EGFR: variants seen among roughly 807,000 people sequenced by gnomAD.
EGFR encodes the protein epidermal growth factor receptor, also known as avian erythroblastic leukemia viral (v-erb-b) oncogene homolog.
EGFR carries 58 observed loss-of-function variants against 143.0 expected under a neutral mutation model. The ratio of observed to expected loss-of-function variants is 0.41; its 90% CI spans 0.33 to 0.50. EGFR has a LOEUF of 0.50. EGFR is among the 20% of genes least tolerant of loss of function. The pLI is 0.39. For synonymous variants in EGFR, 613 were observed against 594.4 expected (o/e 1.03, Z -0.45); for missense variants, 1,307 against 1,579.0 (o/e 0.83, Z 2.92).
intron 1 of EGFR, among the ~76,000 whole-genome samples, chr7:55,083,043 G>A (rs1790550317): frequency 6.8e-6 from 1 of 148,034 alleles, no homozygotes; most frequent in Non-Finnish European, 1.5e-5. Context: ...CTCCTTATGA[G>A]GACACCCATC....
chr7:55,115,751 C>T (rs1041057016), intron 1 of EGFR, among the ~76,000 whole-genome samples: 10 of 152,144 alleles, frequency 6.6e-5, no homozygotes, highest in African/African-American at 2.4e-4. Flanking sequence ...TCAAACTCAG[C>T]CAATGCCGTC....
intron 1 of EGFR, among the ~76,000 whole-genome samples, chr7:55,068,773 G>C (rs1789660772): frequency 6.6e-6 from 1 of 152,120 alleles, no homozygotes; most frequent in African/African-American, 2.4e-5. Context: ...TTAGAGAAGA[G>C]AGAGAGAGAG....
At chr7:55,080,196 T>C (rs1000877641) in intron 1 of EGFR, among the ~76,000 whole-genome samples, 3 of 152,106 alleles carry the variant, frequency 2.0e-5, no homozygotes, top group Non-Finnish European at 4.4e-5. Context: ...TCAAGGTTCT[T>C]TTTTTGCCTG....
At chr7:55,041,110 T>C (rs1200447459) in intron 1 of EGFR, among the ~76,000 whole-genome samples, 1 of 152,212 alleles carries the variant, frequency 6.6e-6, no homozygotes, top group African/African-American at 2.4e-5. Flanking sequence ...TCAGTGATGA[T>C]GGATAGAAAT....
chr7:55,110,983 G>A (rs897917452), intron 1 of EGFR, among the ~76,000 whole-genome samples: 2 of 152,164 alleles, frequency 1.3e-5, no homozygotes, highest in East Asian at 3.9e-4. Context: ...TTCCAGACTT[G>A]CAACTGCTTT....
At chr7:55,159,322 G>A (rs1023044610) in intron 11 of EGFR, among the ~76,000 whole-genome samples, 1 of 152,268 alleles carries the variant, frequency 6.6e-6, no homozygotes, top group South Asian at 2.1e-4. Context: ...TCTGGCTGGG[G>A]CTAGTGGTTC....
chr7:55,138,959 C>T (rs910872889), intron 1 of EGFR, among the ~76,000 whole-genome samples: 1 of 152,138 alleles, frequency 6.6e-6, no homozygotes, highest in Non-Finnish European at 1.5e-5. Flanking sequence ...GCGGGTTTAA[C>T]TCATCCTTTT....
intron 20 of EGFR, among the ~76,000 whole-genome samples, chr7:55,190,208 C>T (rs1049200405): frequency 2.6e-5 from 4 of 152,158 alleles, no homozygotes; most frequent in African/African-American, 9.7e-5. Context: ...AGAACCTGCT[C>T]ATTTCCTCTT....
intron 1 of EGFR, among the ~76,000 whole-genome samples, chr7:55,063,634 C>A (rs1243656599): frequency 3.9e-5 from 6 of 152,184 alleles, no homozygotes; most frequent in Non-Finnish European, 7.3e-5. Context: ...ATCCAACAGA[C>A]AACACACAGC....
Position 55,202,652 on chromosome 7 carries a change from T to C in EGFR, c.3271+27T>C, listed in dbSNP as rs769399397. The C allele has an allele frequency of 3.8e-6, 6 of 1,590,854 alleles. No homozygotes were observed. In the South Asian group the frequency reaches 6.8e-5, roughly 18 times the overall value. ...TGAGTGGCTTGTCTGGAAACAGTCC[T>C]GCTCCTCAACCTCCTCGACCCACTC... On this transcript the variant is annotated intron_variant, in intron 27 of 27. Transcript: ENST00000275493.
At chr7:55,201,054 C>A (rs2128971213) in intron 24 of EGFR, 134 bp from the exon 25 acceptor site, 1 of 1,112,568 alleles carries the variant, frequency 9.0e-7, no homozygotes, top group Non-Finnish European at 1.4e-6. Context: ...ATTTAGAGAA[C>A]CAAGGGGGAT....
intron 5 of EGFR, among the ~76,000 whole-genome samples, chr7:55,151,822 C>T (rs1304156430): frequency 1.3e-5 from 2 of 152,130 alleles, no homozygotes; most frequent in African/African-American, 4.8e-5. Flanking sequence ...TGCAGTGAGC[C>T]GAGATTGTGC....
At chr7:55,022,012 A>G (rs946205145) in intron 1 of EGFR, among the ~76,000 whole-genome samples, 6 of 152,130 alleles carry the variant, frequency 3.9e-5, no homozygotes, top group Non-Finnish European at 4.4e-5. Flanking sequence ...CTAATGTCAG[A>G]GCTGGCAAGG....
At chr7:55,201,449 CATGGAT>C in intron 25 of EGFR, 94 bp downstream of exon 25, 2 of 1,548,446 alleles carry the variant, frequency 1.3e-6, no homozygotes, top group Non-Finnish European at 1.8e-6. Flanking sequence ...GTGAAACTCA[CATGGAT>C]ATGAAGTCAA....
intron 17 of EGFR, 42 bp downstream of exon 17, chr7:55,173,166 C>T (rs774883035): frequency 1.7e-5 from 28 of 1,601,568 alleles, no homozygotes; most frequent in South Asian, 8.8e-5. Context: ...CCTCGCACCC[C>T]GACAGGAACA....
intron 27 of EGFR, chr7:55,203,149 TAC>T (rs1313462276): frequency 8.7e-6 from 2 of 230,480 alleles, no homozygotes; most frequent in East Asian, 6.2e-5. Flanking sequence ...ACCACACACA[TAC>T]ACAGACACCA....
intron 23 of EGFR, among the ~76,000 whole-genome samples, chr7:55,199,782 CTCTCACTTGCATGCATGCCCACCAGCCT>C (rs1400123229): frequency 1.3e-5 from 2 of 151,870 alleles, no homozygotes; most frequent in South Asian, 2.1e-4. Context: ...ACAGCCAGCC[CTCTCACTTGCATGCATGCCCACCAGCCT>C]TCTCACTTGC....
chr7:55,072,553 G>C (rs775685481), intron 1 of EGFR, among the ~76,000 whole-genome samples: 1 of 152,182 alleles, frequency 6.6e-6, no homozygotes, highest in Admixed American at 6.5e-5. Context: ...TGCTGATGCC[G>C]TTCCCTTTTT....
rs555584059 is a variant in EGFR, at chr7:55,156,946, C to T, written c.1207+114C>T. The stretch of plus-strand genomic sequence containing the variant: ...AAAAACATTTCTTCTGAAATTTTAC[C>T]GTTAATGGCTGATGTTTTGATATTT... On this transcript the variant is annotated intron_variant, in intron 10 of 27. Coordinates refer to ENST00000275493, the MANE Select transcript of EGFR (RefSeq NM_005228.5). The T allele has an allele frequency of 1.7e-5, 27 of 1,561,314 alleles. No individual in the cohort carries two copies. The East Asian group carries it at 4.3e-4, about 25-fold the overall frequency.
Sources: gnomAD v4.1 joint callset for allele counts (sites outside exome capture counted in the v4.1 genomes callset) on GRCh38, gnomAD v4.1.1 for gene constraint, MANE v1.5 for transcripts, NCBI Gene and HGNC (gene_info 2026-07-23, HGNC 2026-07-21) for gene names.